Variants in CEP70 observed in about 807,000 individuals in gnomAD.
CEP70 encodes the protein centrosomal protein of 70 kDa.
A neutral mutation model predicts 90.9 loss-of-function variants in CEP70; 70 were observed. That is an observed-to-expected ratio of 0.77 (90% CI 0.64 to 0.94). The LOEUF is 0.94. Among genes scored for constraint, CEP70 ranks in the 40% least tolerant of loss-of-function variants. CEP70 has a pLI of 0.00. For missense variants in CEP70, 648 were observed against 669.0 expected (o/e 0.97, Z 0.35); for synonymous variants, 220 against 228.3 (o/e 0.96, Z 0.33).
intron 2 of CEP70, among the ~76,000 whole-genome samples, chr3:138,581,427 G>C (rs1181949272): frequency 2.6e-5 from 4 of 151,978 alleles, no homozygotes; most frequent in Non-Finnish European, 5.9e-5. Context: ...ATTCAGGCCG[G>C]GCGCAGTGGC....
At chr3:138,543,323 T>G (rs1211061852) in intron 6 of CEP70, among the ~76,000 whole-genome samples, 2 of 152,170 alleles carry the variant, frequency 1.3e-5, no homozygotes, top group East Asian at 1.9e-4. Flanking sequence ...ATCCAAAGTC[T>G]TGGGGGAACC....
chr3:138,565,149 G>A (rs147954007), intron 6 of CEP70, among the ~76,000 whole-genome samples: 1,566 of 152,232 alleles, frequency 0.01, 27 homozygotes, highest in African/African-American at 0.037. Flanking sequence ...AGATGTAAAG[G>A]ACCTTTTCAA....
chr3:138,530,175 G>A (rs1231869277), intron 8 of CEP70, among the ~76,000 whole-genome samples: 4 of 152,144 alleles, frequency 2.6e-5, no homozygotes, highest in African/African-American at 9.7e-5. Context: ...AGCTACATGA[G>A]CTAGTGGTTA....
intron 11 of CEP70, among the ~76,000 whole-genome samples, chr3:138,514,351 A>G (rs1427307304): frequency 2.0e-5 from 3 of 152,254 alleles, no homozygotes; most frequent in Admixed American, 1.3e-4. Context: ...TTGCTATACA[A>G]AAGGGTGACA....
At chr3:138,590,712 G>A (rs145560593) in intron 2 of CEP70, among the ~76,000 whole-genome samples, 1,560 of 151,960 alleles carry the variant, frequency 0.01, 27 homozygotes, top group African/African-American at 0.037. Flanking sequence ...TTAGGAGGCT[G>A]AGGCAGGAGA....
chr3:138,583,405 T>C (rs2041962749), intron 2 of CEP70, among the ~76,000 whole-genome samples: 3 of 152,202 alleles, frequency 2.0e-5, no homozygotes, highest in Admixed American at 2.0e-4. Flanking sequence ...CATCCAGACA[T>C]AAAATCAACA....
Position 138,505,295 on chromosome 3 carries a change from C to A in CEP70, c.1221G>T (p.Lys407Asn). The A allele has an allele frequency of 6.2e-7, 1 of 1,603,050 alleles. No homozygotes were observed. Among genetic ancestry groups the A allele is most frequent in the South Asian group, 1.1e-5 (1 of 88,930 alleles). Residue 407 changes from lysine (K) to asparagine (N), a missense_variant and splice_region_variant, in exon 13 of 18, where the codon AAG (lysine) becomes AAT (asparagine). Physicochemically the swap from Lys to Asn is moderately conservative, Grantham distance 94 (BLOSUM62 0). Coordinates refer to ENST00000264982, the MANE Select transcript of CEP70 (RefSeq NM_024491.4). ...EMWADQLTSL[K>N]DLYKSLKTLS... The stretch of plus-strand genomic sequence containing the variant: ...CATATAATCATAGTCAACCCCTTAC[C>A]TTTAAGGATGTCAGTTGATCTGCCC...
At chr3:138,525,336 G>A (rs1010674976) in intron 11 of CEP70, among the ~76,000 whole-genome samples, 154 bp downstream of exon 11, 8 of 152,000 alleles carry the variant, frequency 5.3e-5, no homozygotes, top group African/African-American at 1.9e-4. Flanking sequence ...ACTGGGTGTA[G>A]CACACCAACA....
intron 6 of CEP70, among the ~76,000 whole-genome samples, chr3:138,568,851 T>C (rs1051435231): frequency 1.3e-5 from 2 of 151,696 alleles, no homozygotes; most frequent in African/African-American, 4.8e-5. Context: ...TGGTGGTGCA[T>C]GCCTGTAGTC....
intron 6 of CEP70, among the ~76,000 whole-genome samples, chr3:138,560,316 C>G (rs142568942): frequency 1.3e-5 from 2 of 152,266 alleles, no homozygotes; most frequent in African/African-American, 4.8e-5. Context: ...CCGTGAGGAA[C>G]AGTGCACTCT....
At chr3:138,533,147 G>A (rs2037968505) in intron 7 of CEP70, among the ~76,000 whole-genome samples, 1 of 152,086 alleles carries the variant, frequency 6.6e-6, no homozygotes, top group Non-Finnish European at 1.5e-5. Flanking sequence ...TGGGCGTCGT[G>A]GCGAGTGCCT....
At chr3:138,537,623 AT>A (rs1433559610) in intron 6 of CEP70, among the ~76,000 whole-genome samples, 1 of 152,206 alleles carries the variant, frequency 6.6e-6, no homozygotes, top group African/African-American at 2.4e-5. Flanking sequence ...GAACTCAAGA[AT>A]TTCCATAAAA....
intron 6 of CEP70, among the ~76,000 whole-genome samples, chr3:138,550,177 C>A (rs887388086): frequency 2.0e-5 from 3 of 152,122 alleles, no homozygotes; most frequent in African/African-American, 7.2e-5. Flanking sequence ...AAAAATTACA[C>A]TAGCTCACCA....
In CEP70 at chr3:138,495,182, A is replaced by G. The variant is rs116181843; in HGVS notation, c.1733-106T>C. 7.6e-4 allele frequency: 481 copies of G among 635,382 alleles called. No individual in the cohort carries two copies. In the African/African-American group the frequency reaches 8.0e-3, roughly 11 times the overall value. 39.4% of individuals were successfully genotyped at this position (635,382 alleles called of 1,614,324 possible). On this transcript the variant is annotated intron_variant, in intron 17 of 17. Transcript: ENST00000264982. ...AAGGCAAACCCCAAACATAAAGGCAATAATACTGGTGCTTTTGTGCACATG... is the reference window on the plus strand; with the variant it reads ...AAGGCAAACCCCAAACATAAAGGCAGTAATACTGGTGCTTTTGTGCACATG...
intron 6 of CEP70, among the ~76,000 whole-genome samples, chr3:138,560,748 C>T (rs1356589637): frequency 1.3e-5 from 2 of 152,064 alleles, no homozygotes; most frequent in Admixed American, 6.6e-5. Context: ...TAAACAAAGC[C>T]GCCCAGAAGT....
intron 6 of CEP70, among the ~76,000 whole-genome samples, chr3:138,537,736 C>A (rs2038407043): frequency 6.6e-6 from 1 of 152,010 alleles, no homozygotes; most frequent in Admixed American, 6.5e-5. Context: ...GGCATTCATG[C>A]AATGTGGGTG....
intron 6 of CEP70, among the ~76,000 whole-genome samples, chr3:138,541,759 T>C (rs1461909570): frequency 1.3e-5 from 2 of 152,330 alleles, no homozygotes; most frequent in East Asian, 1.9e-4. Flanking sequence ...CAGTGGCTCA[T>C]GCCTATAATC....
chr3:138,539,507 T>C (rs1489054571), intron 6 of CEP70, among the ~76,000 whole-genome samples: 4 of 151,878 alleles, frequency 2.6e-5, no homozygotes, highest in Non-Finnish European at 5.9e-5. Context: ...CAAACAGAAA[T>C]CCTGGGACTG....
intron 11 of CEP70, among the ~76,000 whole-genome samples, chr3:138,525,024 A>C (rs370019243): frequency 6.6e-6 from 1 of 152,174 alleles, no homozygotes; most frequent in East Asian, 1.9e-4. Flanking sequence ...CAAATGTCCA[A>C]CAATGATAGA....
Sources: allele counts gnomAD v4.1 joint callset (sites outside exome capture counted in the v4.1 genomes callset), GRCh38; gene constraint gnomAD v4.1.1; transcripts MANE v1.5; gene names NCBI Gene and HGNC (gene_info 2026-07-23, HGNC 2026-07-21).